The following KIF5A variants were observed in gnomAD, a reference collection of about 807,000 sequenced individuals.
KIF5A encodes the protein kinesin heavy chain isoform 5A.
Under a neutral mutation model 141.3 loss-of-function variants are expected in KIF5A, and 35 were observed. The ratio of observed to expected loss-of-function variants is 0.25; its 90% CI spans 0.19 to 0.33. The LOEUF is 0.33. Ranked by LOEUF, KIF5A falls within the 10% of genes least tolerant of loss-of-function variation. The pLI is 1.00. For missense variants in KIF5A, 861 were observed against 1,314.3 expected (o/e 0.66, Z 5.33); for synonymous variants, 448 against 500.2 (o/e 0.90, Z 1.39).
In KIF5A at chr12:57,577,969, T is replaced by C. The variant is rs376273119; in HGVS notation, c.2362-40T>C. On this transcript the variant is annotated intron_variant, in intron 21 of 28. Transcript: ENST00000455537. ...TAATTCTGGAGGAATAGGACAGACCTGGTATCTGGCTATTCCCAATTTTTC... is the reference window on the plus strand; with the variant it reads ...TAATTCTGGAGGAATAGGACAGACCCGGTATCTGGCTATTCCCAATTTTTC... 2.6e-6 allele frequency: 4 copies of C among 1,510,452 alleles called. No homozygotes were observed. The African/African-American group carries it at 4.1e-5, about 16-fold the overall frequency. The allele number at this position is 1,510,452 out of a possible 1,614,324, so 93.6% of individuals were successfully genotyped here. A position where few individuals can be genotyped will look rare whatever the true frequency, so the allele number is the denominator to read the frequency against.
At chr12:57,560,008 C>T (rs1881863339) in intron 1 of KIF5A, among the ~76,000 whole-genome samples, 1 of 152,204 alleles carries the variant, frequency 6.6e-6, no homozygotes. Context: ...TCTTGTGCCT[C>T]AGCCTCCCAA....
At chr12:57,552,965 C>A (rs1253056257) in intron 1 of KIF5A, among the ~76,000 whole-genome samples, 2 of 151,986 alleles carry the variant, frequency 1.3e-5, no homozygotes, top group East Asian at 3.9e-4. Context: ...CTCTGTGTGC[C>A]TTTTTTCTCC....
Position 57,582,074 on chromosome 12 carries a change from CAAATAAAAAAA to C in KIF5A, c.2992+126_2992+136del. 24 of 792,144 alleles carry C rather than the reference CAAATAAAAAAA, an allele frequency of 3.0e-5. No homozygotes were observed. In the South Asian group the frequency reaches 3.5e-4, roughly 12 times the overall value. 49.1% of individuals were successfully genotyped at this position (792,144 alleles called of 1,614,324 possible). A position where few individuals can be genotyped will look rare whatever the true frequency, so the allele number is the denominator to read the frequency against. On this transcript the variant is annotated intron_variant, in intron 26 of 28. Coordinates refer to ENST00000455537, the MANE Select transcript of KIF5A (RefSeq NM_004984.4). The stretch of plus-strand genomic sequence containing the variant: ...GAACCTTTCTGGTGTGCCAAGGCTT[CAAATAAAAAAA>C]AAAATACATATAGCCAGGTGTGGTG...
chr12:57,550,551 A>T lies in KIF5A; in HGVS notation c.129+151A>T. ...CCCCGCAGCCCCTCCTCTCCCCTGC[A>T]TCAGGATGGCTGGGTGTGGCCTGGC... On this transcript the variant is annotated intron_variant, in intron 1 of 28. Transcript: ENST00000455537. The surrounding 1 kb of genome is among the most constrained non-coding windows in gnomAD (Gnocchi z 4.6). 2 of 854,026 alleles carry T rather than the reference A, an allele frequency of 2.3e-6. No homozygotes were observed. The highest frequency in any genetic ancestry group is 3.7e-6 in the Non-Finnish European group (2 of 547,356). The allele number at this position is 854,026 out of a possible 1,614,324, so 52.9% of individuals were successfully genotyped here.
chr12:57,569,218 T>C (rs1161686901), intron 9 of KIF5A, 38 bp from the exon 10 acceptor site: 2 of 1,612,750 alleles, frequency 1.2e-6, no homozygotes, highest in South Asian at 2.2e-5. Flanking sequence ...TGAATTTTAT[T>C]TGTTTATTTC....
rs1397461079 is a variant in KIF5A, at chr12:57,584,978, A to T, written c.*797A>T. ...AGAGCTGATTTAAAATATTTTGAAAAATGGAGGAGGCAGACTGCTCCCAGC... is the reference window on the plus strand; with the variant it reads ...AGAGCTGATTTAAAATATTTTGAAATATGGAGGAGGCAGACTGCTCCCAGC... On this transcript the variant is annotated 3_prime_UTR_variant, in exon 29 of 29. Transcript: ENST00000455537. 3.3e-5 allele frequency: 5 copies of T among 152,150 alleles called. No homozygotes were observed. Among genetic ancestry groups the T allele is most frequent in the African/African-American group, 1.2e-4 (5 of 41,412 alleles). 9.4% of individuals were successfully genotyped at this position (152,150 alleles called of 1,614,324 possible). A position where few individuals can be genotyped will look rare whatever the true frequency, so the allele number is the denominator to read the frequency against.
chr12:57,580,081 T>C (rs1882549715), intron 23 of KIF5A, among the ~76,000 whole-genome samples: 1 of 152,214 alleles, frequency 6.6e-6, no homozygotes, highest in Non-Finnish European at 1.5e-5. Flanking sequence ...ACATTGCTTA[T>C]ACTCCATAAA....
chr12:57,574,914 A>G (rs1882373801), intron 15 of KIF5A, among the ~76,000 whole-genome samples, 170 bp from the exon 16 acceptor site: 1 of 152,132 alleles, frequency 6.6e-6, no homozygotes, highest in Non-Finnish European at 1.5e-5. Context: ...AGGCGGAGGA[A>G]TTTAATGTGA....
chr12:57,568,929 G>C lies in KIF5A; in HGVS notation c.715-34G>C, dbSNP rs370664436. On this transcript the variant is annotated intron_variant, in intron 8 of 28. Coordinates refer to ENST00000455537, the MANE Select transcript of KIF5A (RefSeq NM_004984.4). ...GTGACAGCCCTCTCCATGTGCAGCT[G>C]CTCATACACACTCATCTCTTACTGC... 4.1e-6 allele frequency: 6 copies of C among 1,463,672 alleles called. No homozygotes were observed. In the African/African-American group the frequency reaches 8.3e-5, roughly 20 times the overall value. The allele number at this position is 1,463,672 out of a possible 1,614,324, so 90.7% of individuals were successfully genotyped here. A position where few individuals can be genotyped will look rare whatever the true frequency, so the allele number is the denominator to read the frequency against.
intron 12 of KIF5A, among the ~76,000 whole-genome samples, chr12:57,571,006 G>GC (rs1424966032): frequency 8.2e-6 from 1 of 121,474 alleles, no homozygotes; most frequent in Non-Finnish European, 1.7e-5. Flanking sequence ...TCACTTTGTT[G>GC]CCCAGGCTGG....
chr12:57,570,084 C>T lies in KIF5A; in HGVS notation c.1215C>T (p.Ile405=), dbSNP rs267603611. The change falls in exon 12 of 29, where the codon ATC becomes ATT. Residue 405 remains isoleucine (I), a synonymous_variant. Transcript: ENST00000455537. ...EETPVNDNSS[I]VVRIAPEERQ... is the part of the protein sequence containing the mutation. ...CCCCTGTGAATGACAACTCATCCAT[C>T]GTGGTGCGCATCGCGCCCGAGGAGC... 10 of 1,614,192 alleles carry T rather than the reference C, an allele frequency of 6.2e-6. No homozygotes were observed. The highest frequency in any genetic ancestry group is 1.3e-5 in the African/African-American group (1 of 75,056).
At chr12:57,569,811 G>A in intron 11 of KIF5A, 128 bp downstream of exon 11, 2 of 1,456,130 alleles carry the variant, frequency 1.4e-6, no homozygotes, top group South Asian at 2.7e-5. Flanking sequence ...TTCTGGACAG[G>A]TGCAGTAGAG....
chr12:57,569,141 T>G (rs1882163591), intron 9 of KIF5A, 74 bp downstream of exon 9: 4 of 1,549,720 alleles, frequency 2.6e-6, no homozygotes, highest in Admixed American at 1.7e-5. Context: ...TGCCACCATA[T>G]GATCATGCCC....
chr12:57,576,973 T>C (rs1224561298), intron 20 of KIF5A, 111 bp downstream of exon 20: 4 of 787,000 alleles, frequency 5.1e-6, no homozygotes, highest in Non-Finnish European at 2.2e-6. Flanking sequence ...GGGTGACTCA[T>C]GGGAAAAATA....
chr12:57,581,793 G>A, intron 25 of KIF5A, 77 bp from the exon 26 acceptor site: 3 of 1,378,488 alleles, frequency 2.2e-6, no homozygotes, highest in South Asian at 2.3e-5. Context: ...TATCACTGAG[G>A]ATGAGTGTGG....
intron 4 of KIF5A, 71 bp from the exon 5 acceptor site, chr12:57,564,389 A>T: frequency 8.3e-7 from 1 of 1,199,376 alleles, no homozygotes. Flanking sequence ...AGGTCACATT[A>T]GTATGGGATT....
intron 1 of KIF5A, among the ~76,000 whole-genome samples, chr12:57,554,970 G>A (rs543177733): frequency 1.3e-5 from 2 of 152,328 alleles, no homozygotes; most frequent in South Asian, 4.1e-4. Context: ...CATGAGATTT[G>A]GAGGGGACAA....
chr12:57,570,879 C>G (rs1239907895), intron 12 of KIF5A, among the ~76,000 whole-genome samples: 3 of 152,012 alleles, frequency 2.0e-5, no homozygotes, highest in African/African-American at 7.2e-5. Context: ...CAACCTCAAA[C>G]TCCTGGGCTC....
chr12:57,558,257 T>TAG lies in KIF5A; in HGVS notation c.130-5182_130-5181insAG, dbSNP rs1594909001. 1.1e-4 allele frequency among the ~76,000 whole-genome samples: 17 copies of TAG among 151,004 alleles called. No homozygotes were observed. The East Asian group carries it at 2.1e-3, about 18-fold the overall frequency. Reference sequence around the variant, plus strand: ...CCATCTCTACTAAAAATATAAAAATTCTGGCTGGGTGCAGTGGCTCACACC... The same window carrying TAG: ...CCATCTCTACTAAAAATATAAAAATTAGCTGGCTGGGTGCAGTGGCTCACACC... On this transcript the variant is annotated intron_variant, in intron 1 of 28. Coordinates refer to ENST00000455537, the MANE Select transcript of KIF5A (RefSeq NM_004984.4).
Sources: gnomAD v4.1 joint callset for allele counts (sites outside exome capture counted in the v4.1 genomes callset) on GRCh38, gnomAD v4.1.1 for gene constraint, Gnocchi (gnomAD v3.1) non-coding constraint, MANE v1.5 for transcripts, NCBI Gene and HGNC (gene_info 2026-07-23, HGNC 2026-07-21) for gene names.